The following MECOM variants were observed in gnomAD, a reference collection of about 807,000 sequenced individuals.
MECOM encodes the protein MDS1 and EVI1 complex locus.
A neutral mutation model predicts 116.3 loss-of-function variants in MECOM; 13 were observed. The observed-to-expected ratio is 0.11, with a 90% CI of 0.07 to 0.18. The LOEUF is 0.18. Ranked by LOEUF, MECOM falls within the 10% of genes least tolerant of loss-of-function variation. The pLI is 1.00. For missense variants in MECOM, 1,299 were observed against 1,509.0 expected, an observed-to-expected ratio of 0.86 and a Z score of 2.31; for synonymous variants, 528 against 535.2, an observed-to-expected ratio of 0.99 and a Z score of 0.19.
chr3:169,172,474 T>C (rs913344212), intron 2 of MECOM, among the ~76,000 whole-genome samples: 1 of 151,618 alleles, frequency 6.6e-6, no homozygotes, highest in Middle Eastern at 3.2e-3. Context: ...GGCCTATCCA[T>C]ATAAAAATTA....
chr3:169,157,077 T>C (rs991737695), intron 2 of MECOM, among the ~76,000 whole-genome samples: 1 of 152,194 alleles, frequency 6.6e-6, no homozygotes, highest in Non-Finnish European at 1.5e-5. Context: ...GAACATTTCA[T>C]AGGAGCGACC....
intron 1 of MECOM, among the ~76,000 whole-genome samples, chr3:169,480,747 C>T (rs568511994): frequency 5.9e-5 from 9 of 152,228 alleles, no homozygotes; most frequent in African/African-American, 2.2e-4. Flanking sequence ...GAGCCACATC[C>T]TAGAAGCCTG....
rs1560341658 is a variant in MECOM at position 169,486,029 on chromosome 3, A to ATATATATGTATATATATAC, written c.38-104506_38-104505insGTATATATATACATATATA. Among the ~76,000 whole-genome samples, 15 of 115,778 alleles carry ATATATATGTATATATATAC rather than the reference A, an allele frequency of 1.3e-4. 1 individual carries two copies. The highest frequency in any genetic ancestry group is 3.6e-4 in the Admixed American group (4 of 11,086). The allele number at this position is 115,778 out of a possible 152,430, so 76.0% of individuals were successfully genotyped here. The stretch of plus-strand genomic sequence containing the variant: ...TACTATATATATATGTATATATAGT[A>ATATATATGTATATATATAC]TATATATATATGTATATATATATAC... On this transcript the variant is annotated intron_variant, in intron 1 of 16. Coordinates refer to ENST00000651503, the MANE Select transcript of MECOM (RefSeq NM_004991.4).
chr3:169,383,098 T>C (rs419076), intron 1 of MECOM, among the ~76,000 whole-genome samples: 80,918 of 151,690 alleles, frequency 0.53, 22,021 homozygotes, highest in East Asian at 0.87. Context: ...TATTCAGATT[T>C]ATTATTGTAA....
intron 2 of MECOM, among the ~76,000 whole-genome samples, chr3:169,193,947 C>T (rs1419131641): frequency 6.6e-6 from 1 of 151,938 alleles, no homozygotes; most frequent in African/African-American, 2.4e-5. Flanking sequence ...TCATGTTGCA[C>T]TCTGAAAATA....
chr3:169,655,107 AG>A (rs1373759323), intron 1 of MECOM, among the ~76,000 whole-genome samples: 1 of 139,084 alleles, frequency 7.2e-6, no homozygotes, highest in Non-Finnish European at 1.5e-5. Flanking sequence ...AAAAAGTGGA[AG>A]ACCTGGCGGC....
intron 16 of MECOM, 120 bp from the exon 17 acceptor site, chr3:169,085,163 T>C: frequency 7.9e-7 from 1 of 1,265,540 alleles, no homozygotes. Flanking sequence ...CCTTCATGGG[T>C]GTGTTTGGCA....
chr3:169,547,280 T>C (rs1302777815), intron 1 of MECOM, among the ~76,000 whole-genome samples: 4 of 152,212 alleles, frequency 2.6e-5, no homozygotes, highest in Admixed American at 2.6e-4. Flanking sequence ...TGCTTCCTCT[T>C]AGCCTTCTGC....
chr3:169,176,990 A>G (rs1429752043), intron 2 of MECOM, among the ~76,000 whole-genome samples: 1 of 152,212 alleles, frequency 6.6e-6, no homozygotes, highest in Non-Finnish European at 1.5e-5. Flanking sequence ...GGCTGTGGAG[A>G]AATAGAAACG....
intron 1 of MECOM, among the ~76,000 whole-genome samples, chr3:169,450,500 C>A (rs1745372658): frequency 6.6e-6 from 1 of 151,944 alleles, no homozygotes; most frequent in Non-Finnish European, 1.5e-5. Context: ...CTGGAAACTA[C>A]TCAGCCTTGA....
rs76660490 is a variant in MECOM at position 169,146,603 on chromosome 3, A to G, written c.376-2771T>C. 4 of 1,371,678 alleles carry G rather than the reference A, an allele frequency of 2.9e-6. No homozygotes were observed. In the East Asian group the frequency reaches 1.1e-4, roughly 39 times the overall value. The allele number at this position is 1,371,678 out of a possible 1,614,324, so 85.0% of individuals were successfully genotyped here. ...CTCCGCGAGACTGCGGGCGAGGAGG[A>G]AAGAAGGCTGGGGGCGGGGGGCGCC... is the stretch of plus-strand genomic sequence containing the variant. On this transcript the variant is annotated intron_variant, in intron 2 of 16. Transcript: ENST00000651503.
At chr3:169,510,473 C>T (rs1026686104) in intron 1 of MECOM, among the ~76,000 whole-genome samples, 1 of 152,214 alleles carries the variant, frequency 6.6e-6, no homozygotes, top group African/African-American at 2.4e-5. Flanking sequence ...ACAGAGGACA[C>T]TAATTATTAT....
intron 2 of MECOM, among the ~76,000 whole-genome samples, chr3:169,329,215 GA>G (rs555568433): frequency 3.3e-5 from 5 of 151,694 alleles, no homozygotes; most frequent in Admixed American, 6.6e-5. Context: ...CTTGATTTGT[GA>G]AAAAAAATTA....
intron 2 of MECOM, among the ~76,000 whole-genome samples, chr3:169,261,196 T>C (rs1344049013): frequency 6.6e-6 from 1 of 152,184 alleles, no homozygotes; most frequent in East Asian, 1.9e-4. Context: ...AGGGACAAAC[T>C]GATATTCTAA....
At chr3:169,569,140 G>A (rs868855179) in intron 1 of MECOM, among the ~76,000 whole-genome samples, 1 of 151,708 alleles carries the variant, frequency 6.6e-6, no homozygotes, top group African/African-American at 2.4e-5. Context: ...TAAAGGGATG[G>A]AGGAATATTT....
intron 2 of MECOM, among the ~76,000 whole-genome samples, chr3:169,205,191 T>G (rs565718847): frequency 1.1e-4 from 17 of 152,218 alleles, no homozygotes; most frequent in Admixed American, 3.9e-4. Flanking sequence ...TACAATGAAT[T>G]TTTATAAGTG....
chr3:169,423,530 T>C (rs1019054828), intron 1 of MECOM, among the ~76,000 whole-genome samples: 5 of 152,124 alleles, frequency 3.3e-5, no homozygotes, highest in African/African-American at 1.2e-4. Flanking sequence ...AAATCTCTCC[T>C]TATTTTGGAA....
intron 1 of MECOM, among the ~76,000 whole-genome samples, chr3:169,662,949 G>A (rs1391210991): frequency 6.6e-6 from 1 of 151,502 alleles, no homozygotes; most frequent in East Asian, 2.0e-4. Context: ...CCCCCGCCTG[G>A]GGGGAAGGGG....
intron 1 of MECOM, among the ~76,000 whole-genome samples, chr3:169,435,307 A>T (rs1742456843): frequency 6.6e-6 from 1 of 152,176 alleles, no homozygotes; most frequent in African/African-American, 2.4e-5. Context: ...CAATATTTGC[A>T]TTGCCTGAAT....
Sources: gnomAD v4.1 joint callset for allele counts (sites outside exome capture counted in the v4.1 genomes callset) on GRCh38, gnomAD v4.1.1 for gene constraint, MANE v1.5 for transcripts, NCBI Gene and HGNC (gene_info 2026-07-23, HGNC 2026-07-21) for gene names.